Variants in VPS9D1 observed in about 807,000 individuals in gnomAD.
The protein encoded by VPS9D1 is VPS9 domain-containing protein 1.
In VPS9D1, 78 loss-of-function variants were observed where a neutral mutation model predicts 75.8. That is an observed-to-expected ratio of 1.03 (90% confidence interval 0.86 to 1.24). VPS9D1 has a LOEUF of 1.24. Among genes scored for constraint, VPS9D1 ranks in the 50% most tolerant of loss-of-function variants. VPS9D1 has a pLI of 0.00. For synonymous variants in VPS9D1, 481 were observed against 385.6 expected (o/e 1.25, Z -2.90); for missense variants, 1,057 against 847.7 (o/e 1.25, Z -3.07).
At position 89,710,990 on chromosome 16, in the gene VPS9D1, G is replaced by C; in HGVS notation, c.854C>G (p.Ala285Gly). Residue 285 changes from alanine (A) to glycine (G), a missense_variant, in exon 10 of 15, where the codon GCG becomes GGG. Ala to Gly is a moderately conservative substitution (Grantham distance 60). Coordinates refer to ENST00000389386, the MANE Select transcript of VPS9D1 (RefSeq NM_004913.3). ...GCACTGCAGCCGCCTCAGGAGCTGC[G>C]CGATCGGGTGGTCGGGGAGGCTGCG... The part of the protein sequence containing the change: ...HLLSLPDHPI[A>G]QLLRRLQCSV... The C allele has an allele frequency of 6.9e-7, 1 of 1,440,514 alleles. No individual in the cohort carries two copies. The highest frequency in any genetic ancestry group is 9.1e-7 in the Non-Finnish European group (1 of 1,101,954). 89.2% of individuals were successfully genotyped at this position (1,440,514 alleles called of 1,614,324 possible). A position where few individuals can be genotyped will look rare whatever the true frequency, so the allele number is the denominator to read the frequency against.
At chr16:89,715,604 C>T (rs1214396419) in intron 4 of VPS9D1, among the ~76,000 whole-genome samples, 1 of 151,294 alleles carries the variant, frequency 6.6e-6, no homozygotes, top group Admixed American at 6.6e-5. Flanking sequence ...TCACTGCACC[C>T]TCAACCTGTC....
At chr16:89,711,520 G>T in intron 8 of VPS9D1, 108 bp from the exon 9 acceptor site, 1 of 1,116,382 alleles carries the variant, frequency 9.0e-7, no homozygotes, top group Non-Finnish European at 1.3e-6. Flanking sequence ...CCCGTCCTGG[G>T]GTGCAGGAGA....
intron 6 of VPS9D1, 98 bp from the exon 7 acceptor site, chr16:89,712,197 T>G: frequency 1.3e-6 from 2 of 1,508,542 alleles, no homozygotes; most frequent in Non-Finnish European, 1.8e-6. Flanking sequence ...CCCAGGGACC[T>G]CCTCTCGGTG....
chr16:89,711,022 G>C lies in VPS9D1; in HGVS notation c.834-12C>G. ...GGTGGTCGGGGAGGCTGCGGGAGAA[G>C]AGGACGTGAGAACGCGGCCAGCCTC... On this transcript the variant is annotated splice_polypyrimidine_tract_variant and intron_variant, in intron 9 of 14. Transcript: ENST00000389386. 1 of 1,436,432 alleles carries C rather than the reference G, an allele frequency of 7.0e-7. No individual in the cohort carries two copies. The highest frequency in any genetic ancestry group is 1.5e-5 in the South Asian group (1 of 68,048). 89.0% of individuals were successfully genotyped at this position (1,436,432 alleles called of 1,614,324 possible).
chr16:89,708,215 T>A (rs952309671), intron 14 of VPS9D1, among the ~76,000 whole-genome samples: 4 of 152,230 alleles, frequency 2.6e-5, no homozygotes, highest in South Asian at 4.1e-4. Context: ...CAGCTCCTGC[T>A]GTCTGGGAGA....
chr16:89,712,266 G>A, intron 6 of VPS9D1, 167 bp from the exon 7 acceptor site: 1 of 1,325,680 alleles, frequency 7.5e-7, no homozygotes, highest in Non-Finnish European at 1.0e-6. Flanking sequence ...CAAGCCAGGA[G>A]GGCCGGGCCA....
At chr16:89,715,992 G>A (rs556898035) in intron 4 of VPS9D1, among the ~76,000 whole-genome samples, 2 of 151,976 alleles carry the variant, frequency 1.3e-5, no homozygotes, top group African/African-American at 2.4e-5. Flanking sequence ...GCTTGTGTCC[G>A]GCCAGGGGAT....
chr16:89,717,838 T>C (rs1166510341), intron 2 of VPS9D1: 5 of 456,660 alleles, frequency 1.1e-5, no homozygotes, highest in South Asian at 6.2e-5. Context: ...CCCTGACCTG[T>C]GTGATCCTAC....
In VPS9D1 at chr16:89,707,628, T is replaced by G. The variant is rs1410137692; in HGVS notation, c.*233A>C. ...AGCAGGGCCTGGTTCCTCCTGGAGC[T>G]GATTCAGCCCCATTCTGTCGGGGCA... On this transcript the variant is annotated 3_prime_UTR_variant, in exon 15 of 15. Transcript: ENST00000389386. The G allele has an allele frequency of 4.6e-5, 24 of 516,610 alleles. No individual in the cohort carries two copies. In the Admixed American group the frequency reaches 7.8e-4, roughly 17 times the overall value. The allele number at this position is 516,610 out of a possible 1,614,324, so 32.0% of individuals were successfully genotyped here. A position where few individuals can be genotyped will look rare whatever the true frequency, so the allele number is the denominator to read the frequency against.
In VPS9D1 at chr16:89,707,502, A is replaced by T. The variant is rs1013932359; in HGVS notation, c.*359T>A. The stretch of plus-strand genomic sequence containing the variant: ...CCGGCTCATGGCCCCCTCTTCCCTG[A>T]TGCTCCCCAGGAGCTGCCCCAGCCA... On this transcript the variant is annotated 3_prime_UTR_variant, in exon 15 of 15. Transcript: ENST00000389386. The T allele has an allele frequency of 1.6e-5, 3 of 192,138 alleles. No homozygotes were observed. The highest frequency in any genetic ancestry group is 4.7e-5 in the African/African-American group (2 of 42,740). 11.9% of individuals were successfully genotyped at this position (192,138 alleles called of 1,614,324 possible).
intron 4 of VPS9D1, among the ~76,000 whole-genome samples, chr16:89,713,561 T>G (rs2060991518): frequency 6.6e-6 from 1 of 152,050 alleles, no homozygotes; most frequent in South Asian, 2.1e-4. Flanking sequence ...GCCGGACTTT[T>G]GGTTTTTCAA....
At chr16:89,715,369 G>A (rs781480968) in intron 4 of VPS9D1, among the ~76,000 whole-genome samples, 1 of 151,540 alleles carries the variant, frequency 6.6e-6, no homozygotes, top group Non-Finnish European at 1.5e-5. Flanking sequence ...TGGGACTATA[G>A]GTGCCCGCCA....
chr16:89,716,343 G>A, intron 4 of VPS9D1, 119 bp downstream of exon 4: 4 of 1,463,944 alleles, frequency 2.7e-6, no homozygotes, highest in African/African-American at 1.4e-5. Flanking sequence ...TCCAGCCTGG[G>A]TGACAGAGTG....
At chr16:89,720,626 G>A (rs1437818168) in intron 1 of VPS9D1, 137 bp downstream of exon 1, 1 of 1,226,032 alleles carries the variant, frequency 8.2e-7, no homozygotes, top group Non-Finnish European at 1.0e-6. Context: ...CCTCGCCCGG[G>A]AACCGCGGCC....
At chr16:89,709,006 G>C in intron 12 of VPS9D1, 50 bp from the exon 13 acceptor site, 1 of 1,531,982 alleles carries the variant, frequency 6.5e-7, no homozygotes, top group Non-Finnish European at 8.8e-7. Context: ...CCAGCAGCCT[G>C]AGCCACCCCT....
intron 4 of VPS9D1, among the ~76,000 whole-genome samples, chr16:89,713,757 C>T (rs1234524249): frequency 6.6e-6 from 1 of 151,534 alleles, no homozygotes; most frequent in Non-Finnish European, 1.5e-5. Context: ...GCCTGTAATC[C>T]CAGCACTTTG....
chr16:89,715,837 C>A (rs2061051440), intron 4 of VPS9D1, among the ~76,000 whole-genome samples: 1 of 151,928 alleles, frequency 6.6e-6, no homozygotes, highest in African/African-American at 2.4e-5. Flanking sequence ...CCACCACGGC[C>A]AGCTAATTTT....
At chr16:89,711,517 T>A in intron 8 of VPS9D1, 105 bp from the exon 9 acceptor site, 1 of 1,158,990 alleles carries the variant, frequency 8.6e-7, no homozygotes, top group South Asian at 1.6e-5. Flanking sequence ...GAGCCCGTCC[T>A]GGGGTGCAGG....
chr16:89,713,261 C>CTT (rs1008302564), intron 4 of VPS9D1, among the ~76,000 whole-genome samples: 1 of 146,654 alleles, frequency 6.8e-6, no homozygotes. Flanking sequence ...TTCTTTTTTT[C>CTT]TTTTTTTTTT....
Sources: gnomAD v4.1 joint callset for allele counts (sites outside exome capture counted in the v4.1 genomes callset) on GRCh38, gnomAD v4.1.1 for gene constraint, MANE v1.5 for transcripts, NCBI Gene and HGNC (gene_info 2026-07-23, HGNC 2026-07-21) for gene names.